Variants in CD81 observed in about 807,000 individuals in gnomAD.
The protein encoded by CD81 is CD81 molecule.
Under a neutral mutation model 30.1 loss-of-function variants are expected in CD81, and 10 were observed. That is an observed-to-expected ratio of 0.33 (90% CI 0.21 to 0.56). CD81 has a LOEUF of 0.56. Ranked by LOEUF, CD81 falls within the 20% of genes least tolerant of loss-of-function variation. The pLI, the probability that CD81 is intolerant of heterozygous loss-of-function variation, is 0.89. For missense variants in CD81, 263 were observed against 308.7 expected (o/e 0.85, Z 1.11); for synonymous variants, 147 against 126.4 (o/e 1.16, Z -1.10).
At chr11:2,386,713 T>C in intron 1 of CD81, 1 of 696,502 alleles carries the variant, frequency 1.4e-6, no homozygotes, top group Non-Finnish European at 2.7e-6. Flanking sequence ...CGACTACTTC[T>C]GGTAGCCTCG....
chr11:2,386,848 C>T (rs889354525), intron 1 of CD81, among the ~76,000 whole-genome samples: 7 of 152,336 alleles, frequency 4.6e-5, no homozygotes, highest in Admixed American at 1.3e-4. Flanking sequence ...CTGGTGTTGG[C>T]CCAGGCTCTT....
intron 4 of CD81, 107 bp downstream of exon 4, chr11:2,395,153 G>C (rs1203625439): frequency 1.1e-6 from 1 of 948,838 alleles, no homozygotes; most frequent in Non-Finnish European, 1.7e-6. Flanking sequence ...AGCTCTTTGG[G>C]CTCTTCCTGG....
Position 2,388,350 on chromosome 11 carries a change from A to G in CD81, c.67-2062A>G, listed in dbSNP as rs1477050992. ...CCCTCACCGAGGCCCTAGACCCTAG[A>G]CCGGCCTGACCGGGGGGTCCTCAGG... is the stretch of plus-strand genomic sequence containing the variant. On this transcript the variant is annotated intron_variant, in intron 1 of 7. Transcript: ENST00000263645. Among the ~76,000 whole-genome samples, 5 of 152,078 alleles carry G rather than the reference A, an allele frequency of 3.3e-5. No individual in the cohort carries two copies. The East Asian group carries it at 9.7e-4, about 29-fold the overall frequency.
intron 6 of CD81, 68 bp downstream of exon 6, chr11:2,396,038 T>C (rs1849994765): frequency 2.3e-6 from 2 of 882,740 alleles, no homozygotes; most frequent in Admixed American, 1.9e-5. Flanking sequence ...GTCCTAGGGG[T>C]GGGCAGGTCA....
chr11:2,394,618 G>A (rs1849963743), intron 3 of CD81, among the ~76,000 whole-genome samples: 1 of 152,190 alleles, frequency 6.6e-6, no homozygotes, highest in African/African-American at 2.4e-5. Flanking sequence ...CAGGAACAAG[G>A]GGGTGGGGAA....
chr11:2,390,268 G>A, intron 1 of CD81, 144 bp from the exon 2 acceptor site: 1 of 752,176 alleles, frequency 1.3e-6, no homozygotes, highest in Non-Finnish European at 2.4e-6. Flanking sequence ...TCAGGGCATT[G>A]CGAAAACCAG....
At position 2,397,119 on chromosome 11, in the gene CD81, G is replaced by GC. The variant is rs34939011; in HGVS notation, c.*256dup. The stretch of plus-strand genomic sequence containing the variant: ...GGGACTGGAGGGCAGGGGTCCTTCT[G>GC]CCCTGGGGTCCCAGGGTGCTCTGCC... On this transcript the variant is annotated 3_prime_UTR_variant, in exon 8 of 8. Transcript: ENST00000263645. 21,448 of 544,432 alleles carry GC rather than the reference G, an allele frequency of 0.039. 1,720 individuals carry two copies. Among genetic ancestry groups the GC allele is most frequent in the African/African-American group, 0.23 (12,158 of 52,074 alleles). 33.7% of individuals were successfully genotyped at this position (544,432 alleles called of 1,614,324 possible).
intron 1 of CD81, among the ~76,000 whole-genome samples, chr11:2,382,100 G>A (rs559871496): frequency 2.0e-5 from 3 of 152,244 alleles, no homozygotes; most frequent in South Asian, 2.1e-4. Flanking sequence ...AGGGGGCCAC[G>A]CCCAAGGGTG....
rs1849879103 is a variant in CD81, at chr11:2,390,495, AGACAAGCCCGC to A, written c.152_162del (p.Asp51AlafsTer51). Reference sequence around the variant, plus strand: ...CCAACCTCCTGTATCTGGAGCTGGGAGACAAGCCCGCGCCCAACACCTTCTATGTAGGTGAG... The same window carrying A: ...CCAACCTCCTGTATCTGGAGCTGGGAGCCCAACACCTTCTATGTAGGTGAG... On this transcript the variant is annotated frameshift_variant, in exon 2 of 8. Coordinates refer to ENST00000263645, the MANE Select transcript of CD81 (RefSeq NM_004356.4). LOFTEE classifies it high-confidence loss of function. The A allele has an allele frequency of 6.2e-7, 1 of 1,612,812 alleles. No individual in the cohort carries two copies. The highest frequency in any genetic ancestry group is 1.7e-5 in the Admixed American group (1 of 60,008).
intron 4 of CD81, 142 bp from the exon 5 acceptor site, chr11:2,395,272 CAG>C (rs1296396074): frequency 1.8e-5 from 14 of 764,664 alleles, no homozygotes; most frequent in Non-Finnish European, 3.2e-5. Context: ...GCTGAGAGTG[CAG>C]AGTCCTTGTC....
At chr11:2,386,174 G>C in intron 1 of CD81, 1 of 717,366 alleles carries the variant, frequency 1.4e-6, no homozygotes, top group Non-Finnish European at 2.6e-6. Context: ...ATCTCTTCAT[G>C]TGCTTTTTTG....
rs1316598424 is a variant in CD81, at chr11:2,395,962, C to G, written c.553C>G (p.Leu185Val). ...CPSGSNIISN[L>V]FKEDCHQKID... Reference sequence around the variant, plus strand: ...CTCGGGCAGCAACATCATCAGCAACCTCTTCAAGGTGCGCGAGGCCGGTGG... The same window carrying G: ...CTCGGGCAGCAACATCATCAGCAACGTCTTCAAGGTGCGCGAGGCCGGTGG... Residue 185 changes from leucine (L) to valine (V), a missense_variant, in exon 6 of 8, where the codon CTC becomes GTC. Around this residue, in one of 3 missense-constraint regions of CD81, gnomAD observed 176 missense variants for 192.9 expected, o/e 0.91. Coordinates refer to ENST00000263645, the MANE Select transcript of CD81 (RefSeq NM_004356.4). The G allele has an allele frequency of 6.2e-7, 1 of 1,608,908 alleles. No homozygotes were observed. Among genetic ancestry groups the G allele is most frequent in the East Asian group, 2.2e-5 (1 of 44,884 alleles).
Position 2,377,652 on chromosome 11 carries a change from A to G in CD81, c.66+37A>G. The stretch of plus-strand genomic sequence containing the variant: ...GCCGGGGGCCGGGGCGGGAGGGGGC[A>G]GGCACACACTCCACGTTGGGCAGGT... On this transcript the variant is annotated intron_variant, in intron 1 of 7. Transcript: ENST00000263645. The surrounding 1 kb of genome is among the most constrained non-coding windows in gnomAD (Gnocchi z 7.7). 2 of 1,361,436 alleles carry G rather than the reference A, an allele frequency of 1.5e-6. No individual in the cohort carries two copies. The highest frequency in any genetic ancestry group is 1.5e-5 in the African/African-American group (1 of 65,946). The allele number at this position is 1,361,436 out of a possible 1,614,324, so 84.3% of individuals were successfully genotyped here. A position where few individuals can be genotyped will look rare whatever the true frequency, so the allele number is the denominator to read the frequency against.
chr11:2,394,917 G>C (rs1000691971), intron 3 of CD81, 55 bp from the exon 4 acceptor site: 53 of 1,523,018 alleles, frequency 3.5e-5, no homozygotes, highest in South Asian at 2.2e-5. Context: ...GTGTGTCCTT[G>C]GGCCCCGCCT....
At chr11:2,395,198 T>C in intron 4 of CD81, 152 bp downstream of exon 4, 1 of 753,286 alleles carries the variant, frequency 1.3e-6, no homozygotes, top group South Asian at 1.5e-5. Flanking sequence ...AGGGGCTTTA[T>C]GGAGGAGGCA....
In CD81 at chr11:2,396,921, C is replaced by A. The variant is rs1412830763; in HGVS notation, c.*55C>A. ...TGCAGTGCCCCCTAAGTGACCCGGA[C>A]ACTTCCGAGGGGGCCATCACCGCCT... On this transcript the variant is annotated 3_prime_UTR_variant, in exon 8 of 8. Coordinates refer to ENST00000263645, the MANE Select transcript of CD81 (RefSeq NM_004356.4). 4 of 1,531,000 alleles carry A rather than the reference C, an allele frequency of 2.6e-6. No homozygotes were observed. The highest frequency in any genetic ancestry group is 3.6e-6 in the Non-Finnish European group (4 of 1,108,860). The allele number at this position is 1,531,000 out of a possible 1,614,324, so 94.8% of individuals were successfully genotyped here. A position where few individuals can be genotyped will look rare whatever the true frequency, so the allele number is the denominator to read the frequency against.
At chr11:2,393,852 G>T in intron 2 of CD81, 4 of 672,772 alleles carry the variant, frequency 5.9e-6, no homozygotes, top group Non-Finnish European at 1.1e-5. Context: ...GCGCTCATGA[G>T]GTGCCCAGTC....
chr11:2,381,582 A>C (rs570955048), intron 1 of CD81, among the ~76,000 whole-genome samples: 20 of 152,356 alleles, frequency 1.3e-4, no homozygotes, highest in African/African-American at 4.3e-4. Context: ...TCATAGAGTC[A>C]ATAAGGCTTA....
At chr11:2,386,747 G>A in intron 1 of CD81, 1 of 671,232 alleles carries the variant, frequency 1.5e-6, no homozygotes, top group South Asian at 1.5e-5. Flanking sequence ...TGGACAGGCT[G>A]GCGTCACCCC....
Sources: allele counts gnomAD v4.1 joint callset (sites outside exome capture counted in the v4.1 genomes callset), GRCh38; gene constraint gnomAD v4.1.1; regional missense constraint gnomAD v4.1.1; non-coding constraint Gnocchi (gnomAD v3.1); transcripts MANE v1.5; gene names NCBI Gene and HGNC (gene_info 2026-07-23, HGNC 2026-07-21).